Variants in TMCO1 observed in about 807,000 individuals in gnomAD.
TMCO1 encodes transmembrane and coiled-coil domains 1, also known as calcium load-activated calcium channel.
In TMCO1, 29 loss-of-function variants were observed where a neutral mutation model predicts 29.3. The observed-to-expected ratio is 0.99, with a 90% CI of 0.74 to 1.35. The LOEUF (loss-of-function observed/expected upper bound fraction) is 1.35, where lower values mean the gene tolerates loss of function less well. TMCO1 is among the 40% of genes most tolerant of loss of function. The pLI is 0.00. For missense variants in TMCO1, 173 were observed against 225.5 expected (o/e 0.77, Z 1.49); for synonymous variants, 80 against 77.1 (o/e 1.04, Z -0.20).
At chr1:165,738,729 T>C (rs1651479778) in intron 6 of TMCO1, among the ~76,000 whole-genome samples, 1 of 152,246 alleles carries the variant, frequency 6.6e-6, no homozygotes, top group African/African-American at 2.4e-5. Context: ...ACTTCTGTGA[T>C]TTTTCCAAGC....
intron 4 of TMCO1, among the ~76,000 whole-genome samples, chr1:165,752,736 G>A (rs1270014246): frequency 6.6e-6 from 1 of 151,806 alleles, no homozygotes; most frequent in Non-Finnish European, 1.5e-5. Context: ...GGAGGTTGCA[G>A]TGAGCCGAGA....
At chr1:165,742,288 G>T (rs570833427) in intron 6 of TMCO1, among the ~76,000 whole-genome samples, 16 of 151,404 alleles carry the variant, frequency 1.1e-4, no homozygotes, top group Non-Finnish European at 7.4e-5. Context: ...TTTGAGACAG[G>T]GTCCCGCTCT....
intron 6 of TMCO1, among the ~76,000 whole-genome samples, chr1:165,741,768 C>G (rs562527517): frequency 2.7e-5 from 4 of 149,970 alleles, no homozygotes; most frequent in Admixed American, 1.3e-4. Flanking sequence ...TGGTACTGTT[C>G]TTGTGATAGT....
At chr1:165,759,437 C>T (rs1186270952) in intron 3 of TMCO1, 88 bp downstream of exon 3, 3 of 902,864 alleles carry the variant, frequency 3.3e-6, no homozygotes, top group Non-Finnish European at 5.3e-6. Flanking sequence ...TGTGAGTTAT[C>T]ACTATTAATA....
chr1:165,731,085 G>A (rs888087243), intron 6 of TMCO1, among the ~76,000 whole-genome samples: 2 of 152,058 alleles, frequency 1.3e-5, no homozygotes, highest in Non-Finnish European at 2.9e-5. Flanking sequence ...ATTTTTAGTA[G>A]AGACGGGGTA....
At chr1:165,756,235 A>C (rs888848462) in intron 3 of TMCO1, among the ~76,000 whole-genome samples, 3 of 152,268 alleles carry the variant, frequency 2.0e-5, no homozygotes, top group South Asian at 2.1e-4. Flanking sequence ...AAGCATCTGG[A>C]GCAGATATTC....
intron 6 of TMCO1, among the ~76,000 whole-genome samples, chr1:165,741,067 G>C (rs1651575588): frequency 6.6e-6 from 1 of 152,166 alleles, no homozygotes; most frequent in South Asian, 2.1e-4. Flanking sequence ...TAATCATTTA[G>C]CTATTCAACA....
At chr1:165,736,327 TA>T (rs1266755700) in intron 6 of TMCO1, among the ~76,000 whole-genome samples, 1 of 152,174 alleles carries the variant, frequency 6.6e-6, no homozygotes, top group African/African-American at 2.4e-5. Flanking sequence ...TTCCAAAGAA[TA>T]AAAGAATCCA....
chr1:165,732,724 T>G (rs1193927664), intron 6 of TMCO1, among the ~76,000 whole-genome samples: 1 of 152,122 alleles, frequency 6.6e-6, no homozygotes, highest in African/African-American at 2.4e-5. Flanking sequence ...GGCATATATA[T>G]GAAATCTCTG....
intron 5 of TMCO1, among the ~76,000 whole-genome samples, chr1:165,746,682 T>C (rs940779330): frequency 2.6e-5 from 4 of 152,208 alleles, no homozygotes; most frequent in Non-Finnish European, 5.9e-5. Context: ...ATAAATATCA[T>C]AGCAGTGATA....
At chr1:165,755,997 T>C (rs1378621513) in intron 3 of TMCO1, among the ~76,000 whole-genome samples, 1 of 151,172 alleles carries the variant, frequency 6.6e-6, no homozygotes. Context: ...TATAATATGG[T>C]ACTGGCTCTG....
downstream of TMCO1, chr1:165,724,865 T>C (rs549218754): frequency 6.6e-6 from 3 of 453,788 alleles, no homozygotes; most frequent in African/African-American, 2.0e-5. Context: ...ATGATAAGAT[T>C]TGCTTCAAAA....
At chr1:165,752,045 A>C in intron 5 of TMCO1, 57 bp downstream of exon 5, 1 of 1,363,160 alleles carries the variant, frequency 7.3e-7, no homozygotes, top group South Asian at 1.2e-5. Flanking sequence ...TCATGCTAAC[A>C]TACATACAAA....
intron 2 of TMCO1, among the ~76,000 whole-genome samples, chr1:165,767,965 A>G (rs73014656): frequency 0.013 from 2,027 of 152,264 alleles, 53 homozygotes; most frequent in African/African-American, 0.047. Context: ...ACTGCGCCAG[A>G]TTGAACCTCT....
intron 2 of TMCO1, among the ~76,000 whole-genome samples, chr1:165,767,746 C>T (rs771075535): frequency 2.4e-4 from 36 of 152,144 alleles, no homozygotes; most frequent in Non-Finnish European, 2.9e-5. Flanking sequence ...GTGACACCAT[C>T]GTGGCCCACT....
intron 5 of TMCO1, 104 bp downstream of exon 5, chr1:165,751,998 G>T: frequency 2.1e-6 from 2 of 932,856 alleles, no homozygotes; most frequent in Non-Finnish European, 3.4e-6. Context: ...CTTTAAGTTT[G>T]AAATTACATC....
downstream of TMCO1, chr1:165,726,309 G>A: frequency 1.4e-6 from 1 of 690,550 alleles, no homozygotes; most frequent in Non-Finnish European, 2.6e-6. Flanking sequence ...TGCTTTTATT[G>A]AGCTCCTGCT....
In TMCO1 at chr1:165,743,167, C is replaced by G. The variant is rs373042992; in HGVS notation, c.468G>C (p.Gln156His). ...TTAAATGGTAGATGTGATCACTCACCTGTCGAATCGACATAGTACAGAGAA... is the reference window on the plus strand; with the variant it reads ...TTAAATGGTAGATGTGATCACTCACGTGTCGAATCGACATAGTACAGAGAA... ...LYILCTMSIR[Q>H]NIQKILGLAP... The change falls in exon 6 of 7, where the codon CAG becomes CAC. Residue 156 changes from glutamine (Q) to histidine (H), a missense_variant and splice_region_variant. Coordinates refer to ENST00000367881, the MANE Select transcript of TMCO1 (RefSeq NM_019026.6). 1.2e-6 allele frequency: 2 copies of G among 1,613,902 alleles called. No individual in the cohort carries two copies. Among genetic ancestry groups the G allele is most frequent in the Admixed American group, 1.7e-5 (1 of 59,990 alleles).
At chr1:165,752,445 T>C (rs1444253977) in intron 4 of TMCO1, among the ~76,000 whole-genome samples, 2 of 151,466 alleles carry the variant, frequency 1.3e-5, no homozygotes, top group African/African-American at 2.4e-5. Flanking sequence ...TTAGTAGACA[T>C]GGAGTTTCAC....
Sources: gnomAD v4.1 joint callset for allele counts (sites outside exome capture counted in the v4.1 genomes callset) on GRCh38, gnomAD v4.1.1 for gene constraint, MANE v1.5 for transcripts, NCBI Gene and HGNC (gene_info 2026-07-23, HGNC 2026-07-21) for gene names.